Variants in KIAA1328 observed in about 807,000 individuals in gnomAD.
KIAA1328 encodes protein hinderin.
A neutral mutation model predicts 68.1 loss-of-function variants in KIAA1328; 52 were observed. That is an observed-to-expected ratio of 0.76 (90% CI 0.61 to 0.96). KIAA1328 has a LOEUF of 0.96. Among genes scored for constraint, KIAA1328 ranks in the 40% least tolerant of loss-of-function variants. The pLI is 0.00. For synonymous variants in KIAA1328, 232 were observed against 239.4 expected, an observed-to-expected ratio of 0.97 and a Z score of 0.28; for missense variants, 641 against 677.6, an observed-to-expected ratio of 0.95 and a Z score of 0.60.
intron 3 of KIAA1328, among the ~76,000 whole-genome samples, chr18:36,840,305 T>C (rs922564905): frequency 6.6e-6 from 1 of 152,164 alleles, no homozygotes; most frequent in Non-Finnish European, 1.5e-5. Context: ...TTTCTGAAAC[T>C]AGGGTAAATC....
At chr18:37,113,940 A>G (rs1187339726) in intron 7 of KIAA1328, among the ~76,000 whole-genome samples, 4 of 152,244 alleles carry the variant, frequency 2.6e-5, no homozygotes, top group African/African-American at 9.6e-5. Flanking sequence ...AAAGGGATCA[A>G]TTCACCAAGA....
chr18:36,879,295 C>T (rs59213457), intron 4 of KIAA1328, among the ~76,000 whole-genome samples: 20,711 of 152,048 alleles, frequency 0.14, 1,752 homozygotes, highest in Admixed American at 0.18. Flanking sequence ...TGCAGGTCTG[C>T]TGGAGTTTGC....
At chr18:37,025,005 G>C (rs1045007169) in intron 6 of KIAA1328, among the ~76,000 whole-genome samples, 4 of 152,108 alleles carry the variant, frequency 2.6e-5, no homozygotes, top group African/African-American at 9.7e-5. Flanking sequence ...CAGTGTAAAA[G>C]TGTTCCTATT....
At position 36,956,626 on chromosome 18, in the gene KIAA1328, C is replaced by T. The variant is rs190176839; in HGVS notation, c.449-2682C>T. Reference sequence around the variant, plus strand: ...AGGTAGGACTACCTGTTTTTATATTCTCCCACATAGCATGTGTTTAAATGA... The same window carrying T: ...AGGTAGGACTACCTGTTTTTATATTTTCCCACATAGCATGTGTTTAAATGA... On this transcript the variant is annotated intron_variant, in intron 5 of 9. Transcript: ENST00000280020. 1.3e-3 allele frequency among the ~76,000 whole-genome samples: 190 copies of T among 151,788 alleles called. 2 individuals are homozygous for T. The Middle Eastern group carries it at 0.027, about 22-fold the overall frequency.
chr18:37,177,648 C>G (rs1446879099), intron 9 of KIAA1328, among the ~76,000 whole-genome samples: 1 of 151,918 alleles, frequency 6.6e-6, no homozygotes, highest in Non-Finnish European at 1.5e-5. Flanking sequence ...TTTTTAATGA[C>G]AACACAAAAG....
At chr18:37,020,776 A>G (rs920781907) in intron 6 of KIAA1328, among the ~76,000 whole-genome samples, 1 of 152,196 alleles carries the variant, frequency 6.6e-6, no homozygotes, top group East Asian at 1.9e-4. Flanking sequence ...TCTGCTCGAA[A>G]TAGTTTGTGT....
intron 6 of KIAA1328, among the ~76,000 whole-genome samples, chr18:37,035,348 A>G (rs1181106578): frequency 6.6e-6 from 1 of 152,234 alleles, no homozygotes; most frequent in Admixed American, 6.5e-5. Context: ...TACCTACTAA[A>G]TTAGAAAGTC....
chr18:37,068,486 G>A (rs2056420521), intron 7 of KIAA1328, among the ~76,000 whole-genome samples: 1 of 152,102 alleles, frequency 6.6e-6, no homozygotes, highest in African/African-American at 2.4e-5. Flanking sequence ...TTGGCATTTG[G>A]TATTCTCATT....
At chr18:37,128,840 G>A (rs1347482508) in intron 7 of KIAA1328, among the ~76,000 whole-genome samples, 1 of 152,058 alleles carries the variant, frequency 6.6e-6, no homozygotes, top group Non-Finnish European at 1.5e-5. Flanking sequence ...GAACAAACAC[G>A]TAATACGTGT....
At chr18:37,091,648 C>T (rs2057270993) in intron 7 of KIAA1328, among the ~76,000 whole-genome samples, 1 of 152,172 alleles carries the variant, frequency 6.6e-6, no homozygotes, top group African/African-American at 2.4e-5. Context: ...CTCCATCAAA[C>T]TATATTCTGC....
At chr18:36,961,861 A>G (rs1304333853) in intron 6 of KIAA1328, among the ~76,000 whole-genome samples, 2 of 152,232 alleles carry the variant, frequency 1.3e-5, no homozygotes, top group African/African-American at 4.8e-5. Flanking sequence ...CTATAAAAAC[A>G]TGCCAAATTG....
At chr18:37,194,132 A>G (rs1305843017) in intron 9 of KIAA1328, among the ~76,000 whole-genome samples, 1 of 152,236 alleles carries the variant, frequency 6.6e-6, no homozygotes, top group Non-Finnish European at 1.5e-5. Flanking sequence ...ATAAATTCCT[A>G]GAAATGGAAT....
At chr18:37,050,329 CT>C (rs917867008) in intron 6 of KIAA1328, among the ~76,000 whole-genome samples, 4 of 152,038 alleles carry the variant, frequency 2.6e-5, no homozygotes, top group Admixed American at 2.6e-4. Flanking sequence ...CTTTATTCTC[CT>C]TTATGTTTTG....
intron 6 of KIAA1328, among the ~76,000 whole-genome samples, chr18:37,055,161 A>C (rs2055859343): frequency 2.0e-5 from 3 of 152,138 alleles, no homozygotes; most frequent in African/African-American, 7.2e-5. Context: ...TGAGTGGTGA[A>C]GGAGCTTAAA....
At chr18:37,109,242 C>T (rs997274519) in intron 7 of KIAA1328, among the ~76,000 whole-genome samples, 3 of 152,128 alleles carry the variant, frequency 2.0e-5, no homozygotes, top group Non-Finnish European at 4.4e-5. Flanking sequence ...TAAACATATG[C>T]AGACACTGGT....
At chr18:37,091,749 C>G (rs767463591) in intron 7 of KIAA1328, among the ~76,000 whole-genome samples, 1 of 152,186 alleles carries the variant, frequency 6.6e-6, no homozygotes, top group Non-Finnish European at 1.5e-5. Flanking sequence ...TGTCATGATG[C>G]TGGCTGGACC....
intron 5 of KIAA1328, among the ~76,000 whole-genome samples, chr18:36,926,168 A>G (rs541396028): frequency 2.0e-4 from 31 of 152,136 alleles, no homozygotes; most frequent in African/African-American, 7.0e-4. Flanking sequence ...TGGAGGAAGG[A>G]TAGATTATCT....
At chr18:36,864,922 C>G (rs2047695592) in intron 4 of KIAA1328, among the ~76,000 whole-genome samples, 1 of 150,988 alleles carries the variant, frequency 6.6e-6, no homozygotes, top group Non-Finnish European at 1.5e-5. Context: ...TCATTTCTGA[C>G]AGTGATTTGT....
Position 37,124,630 on chromosome 18 carries a change from A to G in KIAA1328, c.1233-35570A>G, listed in dbSNP as rs117009929. Among the ~76,000 whole-genome samples, 130 of 152,346 alleles carry G rather than the reference A, an allele frequency of 8.5e-4. 1 individual carries two copies. In the East Asian group the frequency reaches 0.022, roughly 26 times the overall value. ...CTTCTCTATTTCACATACTTGAAATAGAAATCTGAACTCTATCCTAGTTTA... is the reference window on the plus strand; with the variant it reads ...CTTCTCTATTTCACATACTTGAAATGGAAATCTGAACTCTATCCTAGTTTA... On this transcript the variant is annotated intron_variant, in intron 7 of 9. Coordinates refer to ENST00000280020, the MANE Select transcript of KIAA1328 (RefSeq NM_020776.3).
Sources: gnomAD v4.1 joint callset for allele counts (sites outside exome capture counted in the v4.1 genomes callset) on GRCh38, gnomAD v4.1.1 for gene constraint, MANE v1.5 for transcripts, NCBI Gene and HGNC (gene_info 2026-07-23, HGNC 2026-07-21) for gene names.